The following DOCK4 variants were observed in gnomAD, a reference collection of about 807,000 sequenced individuals.
DOCK4 encodes dedicator of cytokinesis 4, also known as dedicator of cytokinesis protein 4.
DOCK4 carries 97 observed loss-of-function variants against 268.1 expected under a neutral mutation model. The observed-to-expected ratio is 0.36, with a 90% CI of 0.31 to 0.43. The LOEUF (loss-of-function observed/expected upper bound fraction) is 0.43, where lower values mean the gene tolerates loss of function less well. Among genes scored for constraint, DOCK4 ranks in the 20% least tolerant of loss-of-function variants. The pLI is 1.00. For missense variants in DOCK4, 2,145 were observed against 2,455.7 expected (o/e 0.87, Z 2.67); for synonymous variants, 954 against 887.2 (o/e 1.08, Z -1.34).
intron 8 of DOCK4, among the ~76,000 whole-genome samples, chr7:111,953,183 G>A (rs1354490142): frequency 6.6e-6 from 1 of 150,578 alleles, no homozygotes; most frequent in Non-Finnish European, 1.5e-5. Flanking sequence ...GCTGATATCT[G>A]GGATAACAGA....
At chr7:111,841,149 T>G (rs1803658186) in intron 25 of DOCK4, among the ~76,000 whole-genome samples, 1 of 135,464 alleles carries the variant, frequency 7.4e-6, no homozygotes. Context: ...AACTATTTTC[T>G]CTGATTTATT....
At chr7:111,878,853 G>A (rs1354717878) in intron 16 of DOCK4, among the ~76,000 whole-genome samples, 1 of 152,104 alleles carries the variant, frequency 6.6e-6, no homozygotes, top group Non-Finnish European at 1.5e-5. Context: ...ACCATGGGCT[G>A]AAGTGCTCTG....
intron 1 of DOCK4, among the ~76,000 whole-genome samples, chr7:112,105,295 G>T (rs998102118): frequency 1.3e-5 from 2 of 152,056 alleles, no homozygotes; most frequent in Non-Finnish European, 1.5e-5. Flanking sequence ...TTTAGGGAAA[G>T]AAATTTAAAA....
At chr7:111,744,137 T>C (rs910436899) in intron 44 of DOCK4, among the ~76,000 whole-genome samples, 1 of 152,150 alleles carries the variant, frequency 6.6e-6, no homozygotes, top group African/African-American at 2.4e-5. Context: ...AGGCTTTCTA[T>C]TGCTTCCTCA....
In DOCK4 at chr7:111,769,623, G is replaced by T. The variant is rs201242791; in HGVS notation, c.3734C>A (p.Pro1245His). The T allele has an allele frequency of 1.9e-5, 31 of 1,613,648 alleles. No individual in the cohort carries two copies. The highest frequency in any genetic ancestry group is 2.6e-5 in the Non-Finnish European group (31 of 1,179,826). ...YDELLEWSDR[P>H]LREFLTYPMQ... ...GGGGTAGGTCAGGAACTCCCTGAGG[G>T]GCCGATCAGACCATTCCAGTAGCTC... Residue 1245 changes from proline to histidine, a missense_variant, in exon 37 of 53, where the codon CCC becomes CAC. Physicochemically the swap from Pro to His is moderately conservative, Grantham distance 77. Transcript: ENST00000428084.
intron 36 of DOCK4, among the ~76,000 whole-genome samples, chr7:111,771,037 T>A (rs898565108): frequency 1.3e-5 from 2 of 152,228 alleles, no homozygotes; most frequent in African/African-American, 2.4e-5. Context: ...CAGTCTCTTA[T>A]CCCCCTCCAT....
In DOCK4 at chr7:111,849,776, C is replaced by T. The variant is rs533694888; in HGVS notation, c.2474-2650G>A. On this transcript the variant is annotated intron_variant, in intron 23 of 52. Coordinates refer to ENST00000428084, the MANE Select transcript of DOCK4 (RefSeq NM_001363540.2). ...CAGAGTTCAGTATCTGAGATGGTTTCTCTTGGGCTGATCAGTTTCTCTGAA... is the reference window on the plus strand; with the variant it reads ...CAGAGTTCAGTATCTGAGATGGTTTTTCTTGGGCTGATCAGTTTCTCTGAA... Among the ~76,000 whole-genome samples the T allele has an allele frequency of 3.9e-5, 6 of 152,250 alleles. No homozygotes were observed. The East Asian group carries it at 1.2e-3, about 29-fold the overall frequency.
At chr7:111,992,586 A>G (rs1170576400) in intron 5 of DOCK4, among the ~76,000 whole-genome samples, 1 of 152,232 alleles carries the variant, frequency 6.6e-6, no homozygotes, top group Non-Finnish European at 1.5e-5. Flanking sequence ...TAGAGTTTAC[A>G]ACACACAGAT....
At chr7:111,739,880 C>A in intron 47 of DOCK4, 1 of 307,444 alleles carries the variant, frequency 3.3e-6, no homozygotes, top group South Asian at 2.7e-5. Context: ...GTTATGTCTC[C>A]TTTCCAAAGA....
At chr7:112,099,297 TAAA>T (rs34373613) in intron 1 of DOCK4, among the ~76,000 whole-genome samples, 7 of 123,340 alleles carry the variant, frequency 5.7e-5, no homozygotes, top group Admixed American at 8.5e-5. Context: ...GTCTCGGATT[TAAA>T]AAAAAAAAAA....
At chr7:111,738,055 A>C (rs778755614) in intron 49 of DOCK4, among the ~76,000 whole-genome samples, 7 of 152,020 alleles carry the variant, frequency 4.6e-5, no homozygotes, top group Non-Finnish European at 1.0e-4. Context: ...AGAAAAACAG[A>C]AATTAGCTGG....
chr7:112,123,796 A>T (rs1441416694), intron 1 of DOCK4, among the ~76,000 whole-genome samples: 2 of 152,220 alleles, frequency 1.3e-5, no homozygotes, highest in Non-Finnish European at 2.9e-5. Flanking sequence ...TATCCCCAGA[A>T]TCAGCTATCA....
intron 27 of DOCK4, among the ~76,000 whole-genome samples, chr7:111,815,296 C>T (rs1801455709): frequency 6.6e-6 from 1 of 152,178 alleles, no homozygotes; most frequent in Non-Finnish European, 1.5e-5. Flanking sequence ...GCCATCAAGG[C>T]AGTTCCCAGA....
intron 1 of DOCK4, among the ~76,000 whole-genome samples, chr7:112,037,517 C>T (rs1027266474): frequency 1.3e-5 from 2 of 152,130 alleles, no homozygotes; most frequent in South Asian, 4.1e-4. Context: ...AAAGTTTTGG[C>T]TGTTCTTGAT....
intron 52 of DOCK4, among the ~76,000 whole-genome samples, chr7:111,731,603 A>T (rs534562501): frequency 6.6e-6 from 1 of 152,364 alleles, no homozygotes; most frequent in East Asian, 1.9e-4. Context: ...AAGATGTTAA[A>T]TAGCCCATGT....
chr7:112,176,078 T>C (rs1252863928), intron 1 of DOCK4, among the ~76,000 whole-genome samples: 2 of 152,190 alleles, frequency 1.3e-5, no homozygotes, highest in Non-Finnish European at 2.9e-5. Context: ...GAGTCATTAA[T>C]TTTCATCAAC....
At chr7:112,133,589 C>T (rs143221458) in intron 1 of DOCK4, among the ~76,000 whole-genome samples, 65 of 152,050 alleles carry the variant, frequency 4.3e-4, no homozygotes, top group East Asian at 2.7e-3. Flanking sequence ...GGCATGGTGG[C>T]GTGCACCTGT....
At position 111,728,361 on chromosome 7, in the gene DOCK4, C is replaced by G; in HGVS notation, c.5841G>C (p.Ala1947=). 2 of 1,525,292 alleles carry G rather than the reference C, an allele frequency of 1.3e-6. No individual in the cohort carries two copies. The highest frequency in any genetic ancestry group is 1.8e-6 in the Non-Finnish European group (2 of 1,138,476). The allele number at this position is 1,525,292 out of a possible 1,614,324, so 94.5% of individuals were successfully genotyped here. ...PPALPPKPLA[A]RSSHLENGAR... ...CCCCATTCTCCAGGTGGCTGGATCG[C>G]GCTGCCAGAGGCTTGGGGGGCAGCG... The change falls in exon 53 of 53, where the codon GCG becomes GCC. Residue 1947 remains alanine (A), a synonymous_variant. Transcript: ENST00000428084.
chr7:111,869,726 C>T (rs1806259848), intron 20 of DOCK4, 71 bp from the exon 21 acceptor site: 1 of 1,274,526 alleles, frequency 7.8e-7, no homozygotes, highest in African/African-American at 1.5e-5. Flanking sequence ...ACAAATCCAA[C>T]TCTTAACTAT....
Sources: allele counts gnomAD v4.1 joint callset (sites outside exome capture counted in the v4.1 genomes callset), GRCh38; gene constraint gnomAD v4.1.1; transcripts MANE v1.5; gene names NCBI Gene and HGNC (gene_info 2026-07-23, HGNC 2026-07-21).